The following PCDHA8 variants were observed in gnomAD, a reference collection of about 807,000 sequenced individuals.
The protein encoded by PCDHA8 is protocadherin alpha 8, also known as protocadherin alpha-8.
In PCDHA8, 53 loss-of-function variants were observed where a neutral mutation model predicts 61.8. The ratio of observed to expected loss-of-function variants is 0.86; its 90% CI spans 0.69 to 1.08. The LOEUF (loss-of-function observed/expected upper bound fraction) is 1.08. Among genes scored for constraint, PCDHA8 ranks in the 50% least tolerant of loss-of-function variants. The probability of loss-of-function intolerance (pLI) is 0.00; values close to 1 mark genes in which losing one functional copy is unlikely to be tolerated. For synonymous variants in PCDHA8, 618 were observed against 556.6 expected (o/e 1.11, Z -1.55); for missense variants, 1,293 against 1,245.0 (o/e 1.04, Z -0.58).
chr5:140,878,370 T>G (rs1049956194), intron 1 of PCDHA8, among the ~76,000 whole-genome samples: 1 of 152,272 alleles, frequency 6.6e-6, no homozygotes, highest in Non-Finnish European at 1.5e-5. Context: ...GTCTGACATA[T>G]GATGAATGAT....
chr5:140,919,136 G>T (rs1340753916), intron 1 of PCDHA8, among the ~76,000 whole-genome samples: 5 of 152,064 alleles, frequency 3.3e-5, no homozygotes, highest in African/African-American at 1.2e-4. Context: ...GTGTTTTGGG[G>T]CTCTATTATT....
intron 1 of PCDHA8, among the ~76,000 whole-genome samples, chr5:140,912,823 G>C (rs2076078264): frequency 6.6e-6 from 1 of 152,090 alleles, no homozygotes; most frequent in Non-Finnish European, 1.5e-5. Context: ...AAGGGATTTT[G>C]AATTTTATTA....
rs2150362275 is a variant in PCDHA8 at position 140,843,540 on chromosome 5, T to G, written c.2219T>G (p.Val740Gly). The change falls in exon 1 of 4, where the codon GTG becomes GGG. Residue 740 changes from valine (V) to glycine (G), a missense_variant. Transcript: ENST00000531613. ...GGCRAGKPTL[V>G]CSSAVGSWSY... is the part of the protein sequence containing the mutation. Reference sequence around the variant, plus strand: ...TGCCGGGCGGGCAAGCCCACTCTGGTGTGCTCCAGTGCGGTGGGGAGCTGG... The same window carrying G: ...TGCCGGGCGGGCAAGCCCACTCTGGGGTGCTCCAGTGCGGTGGGGAGCTGG... 12 of 1,595,850 alleles carry G rather than the reference T, an allele frequency of 7.5e-6. 3 individuals are homozygous for G. Among genetic ancestry groups the G allele is most frequent in the Non-Finnish European group, 1.0e-5 (12 of 1,165,530 alleles).
At chr5:140,854,876 C>A (rs1221945079) in intron 1 of PCDHA8, among the ~76,000 whole-genome samples, 1 of 149,610 alleles carries the variant, frequency 6.7e-6, no homozygotes, top group Non-Finnish European at 1.5e-5. Context: ...AGAACTGTGT[C>A]TTTTGGGCAT....
intron 1 of PCDHA8, among the ~76,000 whole-genome samples, chr5:140,955,553 C>A (rs782183120): frequency 2.6e-5 from 4 of 152,088 alleles, no homozygotes; most frequent in Non-Finnish European, 5.9e-5. Flanking sequence ...TGAGGCCTCC[C>A]CAGCCATACT....
chr5:140,871,211 T>C (rs781784103), intron 1 of PCDHA8: 2 of 1,613,842 alleles, frequency 1.2e-6, no homozygotes, highest in Non-Finnish European at 1.7e-6. Context: ...ATCATCGCCA[T>C]CTGCGTGGTG....
At chr5:140,984,247 C>G (rs1394918677) in intron 3 of PCDHA8, among the ~76,000 whole-genome samples, 2 of 152,138 alleles carry the variant, frequency 1.3e-5, no homozygotes, top group Non-Finnish European at 2.9e-5. Flanking sequence ...GTAGGTCGAC[C>G]TGGTAAGCCA....
rs371906545 is a variant in PCDHA8, at chr5:140,875,244, A to C, written c.2394+31529A>C. 9 of 951,720 alleles carry C rather than the reference A, an allele frequency of 9.5e-6. No homozygotes were observed. The East Asian group carries it at 2.2e-4, about 24-fold the overall frequency. The allele number at this position is 951,720 out of a possible 1,614,324, so 59.0% of individuals were successfully genotyped here. A position where few individuals can be genotyped will look rare whatever the true frequency, so the allele number is the denominator to read the frequency against. ...TCAGGATCTTTCTTGTACTTACATA[A>C]TCAGTCACATGATGTCGCTCTACAC... On this transcript the variant is annotated intron_variant, in intron 1 of 3. Transcript: ENST00000531613.
chr5:140,979,303 C>T (rs1048294748), intron 2 of PCDHA8, among the ~76,000 whole-genome samples: 5 of 152,148 alleles, frequency 3.3e-5, no homozygotes, highest in East Asian at 3.8e-4. Context: ...CTCCTTCATC[C>T]CTCTCTACCT....
chr5:140,941,316 T>C (rs1479003076), intron 1 of PCDHA8, among the ~76,000 whole-genome samples: 1 of 135,480 alleles, frequency 7.4e-6, no homozygotes, highest in African/African-American at 2.7e-5. Flanking sequence ...TTTTCTTCTT[T>C]CTCTTTTTTT....
At chr5:140,865,810 T>A (rs1350387651) in intron 1 of PCDHA8, 1 of 152,186 alleles carries the variant, frequency 6.6e-6, no homozygotes, top group Non-Finnish European at 1.5e-5. Flanking sequence ...CATTCTTTTA[T>A]CCACTATAAT....
At chr5:140,922,866 GA>G (rs557650266) in intron 1 of PCDHA8, among the ~76,000 whole-genome samples, 2 of 152,096 alleles carry the variant, frequency 1.3e-5, no homozygotes, top group Non-Finnish European at 2.9e-5. Flanking sequence ...TAGACAAGGG[GA>G]AAAAATCCAA....
chr5:140,967,576 A>T (rs2096159229), intron 1 of PCDHA8: 1 of 1,613,838 alleles, frequency 6.2e-7, no homozygotes, highest in African/African-American at 1.3e-5. Context: ...GGGAGGACTC[A>T]CCCCCAGGCA....
rs782257127 is a variant in PCDHA8, at chr5:140,870,719, C to G, written c.2394+27004C>G. On this transcript the variant is annotated intron_variant, in intron 1 of 3. Coordinates refer to ENST00000531613, the MANE Select transcript of PCDHA8 (RefSeq NM_018911.3). ...CAGTTCCAGGTGAGCGCGCGCGATG[C>G]GGGCGTGCCGCCTCTGAGCAGCAAC... 3.7e-6 allele frequency: 6 copies of G among 1,612,966 alleles called. No homozygotes were observed. In the African/African-American group the frequency reaches 4.0e-5, roughly 11 times the overall value.
intron 1 of PCDHA8, chr5:140,848,752 T>C (rs2040584005): frequency 1.3e-6 from 2 of 1,593,188 alleles, no homozygotes; most frequent in Non-Finnish European, 1.7e-6. Context: ...ATTTTGTTTG[T>C]GAATTCTCGG....
Position 140,842,218 on chromosome 5 carries a change from G to A in PCDHA8, c.897G>A (p.Thr299=). ...VIDHFSIDRN[T]GEIVIRGNLD... ...ACCACTTTAGCATAGATCGAAATAC[G>A]GGAGAAATAGTGATTCGGGGTAATT... Residue 299 remains threonine, a synonymous_variant, in exon 1 of 4, where the codon ACG becomes ACA. Coordinates refer to ENST00000531613, the MANE Select transcript of PCDHA8 (RefSeq NM_018911.3). 1 of 1,613,154 alleles carries A rather than the reference G, an allele frequency of 6.2e-7. No individual in the cohort carries two copies. Among genetic ancestry groups the A allele is most frequent in the Non-Finnish European group, 8.5e-7 (1 of 1,179,338 alleles).
At chr5:141,008,126 G>A (rs2098361949) in intron 3 of PCDHA8, among the ~76,000 whole-genome samples, 1 of 152,178 alleles carries the variant, frequency 6.6e-6, no homozygotes, top group African/African-American at 2.4e-5. Context: ...TCAAGAAGGG[G>A]ATGACAAATG....
chr5:140,857,296 G>C (rs2044488261), intron 1 of PCDHA8: 3 of 1,598,562 alleles, frequency 1.9e-6, no homozygotes, highest in Admixed American at 3.4e-5. Flanking sequence ...ACCGCGAGAG[G>C]GTGTCGGCCT....
At chr5:140,850,060 C>T (rs2150465360) in intron 1 of PCDHA8, 8 of 1,596,516 alleles carry the variant, frequency 5.0e-6, no homozygotes, top group East Asian at 4.5e-5. Flanking sequence ...GCGCTGCAGC[C>T]GTTGGACCAC....
Sources: gnomAD v4.1 joint callset for allele counts (sites outside exome capture counted in the v4.1 genomes callset) on GRCh38, gnomAD v4.1.1 for gene constraint, MANE v1.5 for transcripts, NCBI Gene and HGNC (gene_info 2026-07-23, HGNC 2026-07-21) for gene names.